The following AP3S2 variants were observed in gnomAD, a reference collection of about 807,000 sequenced individuals.
AP3S2 encodes adaptor related protein complex 3 subunit sigma 2.
Under a neutral mutation model 23.4 loss-of-function variants are expected in AP3S2, and 22 were observed. That is an observed-to-expected ratio of 0.94 (90% CI 0.67 to 1.34). AP3S2 has a LOEUF of 1.34. AP3S2 is among the 40% of genes most tolerant of loss of function. The probability of loss-of-function intolerance (pLI) is 0.00; values close to 1 mark genes in which losing one functional copy is unlikely to be tolerated. For synonymous variants in AP3S2, 86 were observed against 87.1 expected, an observed-to-expected ratio of 0.99 and a Z score of 0.07; for missense variants, 241 against 236.9, an observed-to-expected ratio of 1.02 and a Z score of -0.11.
At position 89,873,745 on chromosome 15, in the gene AP3S2, G is replaced by A. The variant is rs528977520; in HGVS notation, c.274-2199C>T. On this transcript the variant is annotated intron_variant, in intron 3 of 5. Transcript: ENST00000336418. Reference sequence around the variant, plus strand: ...TAAGAGACCATTTTGTTCATTTTGTGTGAGCAACAAGGCTGTGAGTGTTTT... The same window carrying A: ...TAAGAGACCATTTTGTTCATTTTGTATGAGCAACAAGGCTGTGAGTGTTTT... 2.6e-5 allele frequency among the ~76,000 whole-genome samples: 4 copies of A among 152,016 alleles called. No homozygotes were observed. The South Asian group carries it at 8.3e-4, about 32-fold the overall frequency.
At chr15:89,840,141 G>A (rs1355661763) in intron 4 of AP3S2, among the ~76,000 whole-genome samples, 2 of 152,080 alleles carry the variant, frequency 1.3e-5, no homozygotes, top group East Asian at 1.9e-4. Flanking sequence ...TGGTGGTGGC[G>A]ACTGCACAAC....
At chr15:89,868,023 T>C (rs1262073756) in intron 4 of AP3S2, among the ~76,000 whole-genome samples, 3 of 133,892 alleles carry the variant, frequency 2.2e-5, no homozygotes, top group Non-Finnish European at 3.2e-5. Context: ...AGCCGCCCCG[T>C]CCAGGAGGTG....
intron 3 of AP3S2, among the ~76,000 whole-genome samples, chr15:89,874,563 C>T (rs1285398230): frequency 2.0e-5 from 3 of 152,064 alleles, no homozygotes; most frequent in Non-Finnish European, 4.4e-5. Flanking sequence ...TCCCTCGAGC[C>T]CAGGAGTTTG....
chr15:89,892,148 A>G (rs533826475), intron 1 of AP3S2, among the ~76,000 whole-genome samples: 65 of 152,352 alleles, frequency 4.3e-4, no homozygotes, highest in African/African-American at 1.5e-3. Context: ...CTTATTTATG[A>G]TTCCATTTAT....
chr15:89,859,304 C>CTTCCTTCCT (rs1200292451), intron 4 of AP3S2, among the ~76,000 whole-genome samples: 1 of 143,532 alleles, frequency 7.0e-6, no homozygotes, highest in Non-Finnish European at 1.5e-5. Context: ...CTTTTTCTTC[C>CTTCCTTCCT]TTCCTTCCTT....
intron 3 of AP3S2, chr15:89,883,808 G>A (rs1028712678): frequency 3.3e-5 from 5 of 152,184 alleles, no homozygotes; most frequent in African/African-American, 7.2e-5. Flanking sequence ...AGGTGATAAG[G>A]GGAAAGGGGA....
At chr15:89,849,209 A>G (rs1382192955) in intron 4 of AP3S2, among the ~76,000 whole-genome samples, 3 of 152,248 alleles carry the variant, frequency 2.0e-5, no homozygotes, top group African/African-American at 4.8e-5. Flanking sequence ...AATATGCATG[A>G]AAGAGACATT....
intron 1 of AP3S2, among the ~76,000 whole-genome samples, chr15:89,891,457 G>A (rs1285802417): frequency 2.6e-5 from 4 of 152,016 alleles, no homozygotes; most frequent in African/African-American, 9.7e-5. Flanking sequence ...TCAGGAGTTC[G>A]AGACCAGCCT....
At chr15:89,868,235 G>A (rs1407624536) in intron 4 of AP3S2, among the ~76,000 whole-genome samples, 2 of 52,908 alleles carry the variant, frequency 3.8e-5, no homozygotes, top group Admixed American at 1.5e-4. Context: ...CCCTCCGCCC[G>A]GCCAGCCGCC....
At chr15:89,893,616 A>ACGG in intron 1 of AP3S2, 1 of 505,580 alleles carries the variant, frequency 2.0e-6, no homozygotes, top group Non-Finnish European at 3.5e-6. Context: ...TCTCGTTCCC[A>ACGG]GAGACCCACG....
At chr15:89,889,538 T>C in intron 1 of AP3S2, 1 of 199,260 alleles carries the variant, frequency 5.0e-6, no homozygotes, top group South Asian at 8.3e-5. Flanking sequence ...TCAACAGGTC[T>C]AACATTTTAA....
intron 4 of AP3S2, among the ~76,000 whole-genome samples, chr15:89,859,845 G>A (rs1383839396): frequency 6.8e-6 from 1 of 147,054 alleles, no homozygotes; most frequent in African/African-American, 2.5e-5. Flanking sequence ...CTCACTGCAA[G>A]CTCCGCCTCC....
intron 4 of AP3S2, among the ~76,000 whole-genome samples, chr15:89,868,047 C>A (rs1896190803): frequency 7.7e-6 from 1 of 129,800 alleles, no homozygotes; most frequent in Non-Finnish European, 1.7e-5. Flanking sequence ...GGCGCCTCTG[C>A]CCGGCCGCCC....
chr15:89,867,740 C>CA (rs1896174347), intron 4 of AP3S2, among the ~76,000 whole-genome samples: 1 of 140,020 alleles, frequency 7.1e-6, no homozygotes, highest in Non-Finnish European at 1.6e-5. Context: ...TCTGCCCGGC[C>CA]GCCCTGTCTG....
rs201537842 is a variant in AP3S2 at position 89,893,870 on chromosome 15, G to A, written c.69+11C>T. On this transcript the variant is annotated intron_variant, in intron 1 of 5. Coordinates refer to ENST00000336418, the MANE Select transcript of AP3S2 (RefSeq NM_005829.5). Reference sequence around the variant, plus strand: ...CCCTGAAGGGGCGTGGTGAAGCCGGGCCGCACTCACGAAACGCTGGTAGAA... The same window carrying A: ...CCCTGAAGGGGCGTGGTGAAGCCGGACCGCACTCACGAAACGCTGGTAGAA... The A allele has an allele frequency of 1.3e-6, 2 of 1,551,624 alleles. No homozygotes were observed. Among genetic ancestry groups the A allele is most frequent in the East Asian group, 2.4e-5 (1 of 40,918 alleles).
At chr15:89,883,278 T>G (rs1896614381) in intron 3 of AP3S2, among the ~76,000 whole-genome samples, 1 of 152,222 alleles carries the variant, frequency 6.6e-6, no homozygotes, top group Non-Finnish European at 1.5e-5. Flanking sequence ...ATGTCCATAA[T>G]CCGGCCACCT....
At chr15:89,863,990 C>T (rs1896062984) in intron 4 of AP3S2, among the ~76,000 whole-genome samples, 1 of 152,212 alleles carries the variant, frequency 6.6e-6, no homozygotes, top group African/African-American at 2.4e-5. Flanking sequence ...TTGGAAGCCT[C>T]AGACATTCTA....
chr15:89,841,859 G>A (rs1895337080), intron 4 of AP3S2, among the ~76,000 whole-genome samples: 1 of 151,876 alleles, frequency 6.6e-6, no homozygotes, highest in African/African-American at 2.4e-5. Flanking sequence ...AATATACAAC[G>A]AGAAAAAATT....
intron 4 of AP3S2, among the ~76,000 whole-genome samples, chr15:89,868,979 C>T (rs1212897801): frequency 2.0e-5 from 3 of 147,642 alleles, no homozygotes; most frequent in East Asian, 2.1e-4. Context: ...GCCAGCCGCC[C>T]CGTCCGGGAG....
Sources: allele counts gnomAD v4.1 joint callset (sites outside exome capture counted in the v4.1 genomes callset), GRCh38; gene constraint gnomAD v4.1.1; transcripts MANE v1.5; gene names NCBI Gene and HGNC (gene_info 2026-07-23, HGNC 2026-07-21).